The following EEPD1 variants were observed in gnomAD, a reference collection of about 807,000 sequenced individuals.
The protein encoded by EEPD1 is endonuclease/exonuclease/phosphatase family domain-containing protein 1.
A neutral mutation model predicts 46.3 loss-of-function variants in EEPD1; 17 were observed. That is an observed-to-expected ratio of 0.37 (90% CI 0.25 to 0.55). The LOEUF is 0.55. Among genes scored for constraint, EEPD1 ranks in the 20% least tolerant of loss-of-function variants. EEPD1 has a pLI of 0.83. For synonymous variants in EEPD1, 313 were observed against 315.6 expected (o/e 0.99, Z 0.09); for missense variants, 673 against 745.6 (o/e 0.90, Z 1.13).
chr7:36,252,678 A>T (rs1353418100), intron 3 of EEPD1, among the ~76,000 whole-genome samples: 1 of 152,084 alleles, frequency 6.6e-6, no homozygotes, highest in Non-Finnish European at 1.5e-5. Flanking sequence ...GGAGAAATGG[A>T]GGAGCTTCAG....
At chr7:36,178,482 C>G (rs1270065296) in intron 2 of EEPD1, among the ~76,000 whole-genome samples, 2 of 152,258 alleles carry the variant, frequency 1.3e-5, no homozygotes. Flanking sequence ...CTCCAGCTGT[C>G]TCTAAGCCCT....
intron 2 of EEPD1, among the ~76,000 whole-genome samples, chr7:36,160,686 G>GGC (rs978462983): frequency 2.0e-5 from 3 of 149,362 alleles, no homozygotes; most frequent in African/African-American, 4.9e-5. Flanking sequence ...TGGGGGGCGG[G>GGC]GCGTGCATGG....
chr7:36,287,640 T>C lies in EEPD1; in HGVS notation c.1178T>C (p.Val393Ala). 6.2e-7 allele frequency: 1 copy of C among 1,613,480 alleles called. No homozygotes were observed. The highest frequency in any genetic ancestry group is 8.5e-7 in the Non-Finnish European group (1 of 1,179,664). ...GTTGCTTTGTTTCCTGCTGCCTAGG[T>C]GGGAAGTCACGACCTGACCCTTGTT... Reference protein sequence around the residue: ...GPSPYLGRFKVGSHDLTLVNL... With the variant: ...GPSPYLGRFKAGSHDLTLVNL... Residue 393 changes from valine (V) to alanine (A), a missense_variant and splice_region_variant, in exon 6 of 8, where the codon GTG becomes GCG. Transcript: ENST00000242108.
chr7:36,240,391 A>AT (rs1786537196), intron 3 of EEPD1, among the ~76,000 whole-genome samples: 1 of 152,190 alleles, frequency 6.6e-6, no homozygotes, highest in Admixed American at 6.5e-5. Flanking sequence ...ACTGCTTTGG[A>AT]TTTGATGTCC....
chr7:36,248,971 G>A (rs904345107), intron 3 of EEPD1, among the ~76,000 whole-genome samples: 5 of 142,286 alleles, frequency 3.5e-5, no homozygotes, highest in African/African-American at 1.3e-4. Context: ...AGTTAATTAT[G>A]GGCTAGGCTC....
chr7:36,265,115 G>C (rs950066507), intron 3 of EEPD1, among the ~76,000 whole-genome samples: 2 of 152,168 alleles, frequency 1.3e-5, no homozygotes, highest in African/African-American at 4.8e-5. Context: ...ACACCATTTA[G>C]AATAGCTGAA....
chr7:36,296,603 G>A (rs907271264), intron 6 of EEPD1, among the ~76,000 whole-genome samples: 3 of 150,416 alleles, frequency 2.0e-5, no homozygotes, highest in South Asian at 4.3e-4. Flanking sequence ...CAGAGCAGGA[G>A]TTGCATTTTA....
intron 3 of EEPD1, among the ~76,000 whole-genome samples, chr7:36,261,547 C>G (rs1288049140): frequency 6.6e-6 from 1 of 152,202 alleles, no homozygotes; most frequent in Non-Finnish European, 1.5e-5. Context: ...TCAAATACCA[C>G]TTATCAGAAA....
At chr7:36,228,287 G>C (rs1786262152) in intron 2 of EEPD1, among the ~76,000 whole-genome samples, 1 of 152,144 alleles carries the variant, frequency 6.6e-6, no homozygotes, top group South Asian at 2.1e-4. Context: ...CCGCACTTCG[G>C]GAGGTTGAGA....
rs1285570652 is a variant in EEPD1, at chr7:36,225,683, A to C, written c.879-13302A>C. ...ATTAAAACATCTGGGAATTAAAAAAAAATTTGGCTCTATTCCCAGGCCCCA... is the reference window on the plus strand; with the variant it reads ...ATTAAAACATCTGGGAATTAAAAAACAATTTGGCTCTATTCCCAGGCCCCA... On this transcript the variant is annotated intron_variant, in intron 2 of 7. Coordinates refer to ENST00000242108, the MANE Select transcript of EEPD1 (RefSeq NM_030636.3). The surrounding 1 kb of genome is among the most constrained non-coding windows in gnomAD (Gnocchi z 4.2). Among the ~76,000 whole-genome samples, 2 of 152,228 alleles carry C rather than the reference A, an allele frequency of 1.3e-5. No homozygotes were observed. The highest frequency in any genetic ancestry group is 2.9e-5 in the Non-Finnish European group (2 of 68,038).
At chr7:36,159,628 C>T (rs1391465981) in intron 2 of EEPD1, among the ~76,000 whole-genome samples, 2 of 152,346 alleles carry the variant, frequency 1.3e-5, no homozygotes, top group African/African-American at 4.8e-5. Flanking sequence ...CTCTGACTCC[C>T]AGCCCACCCA....
intron 2 of EEPD1, among the ~76,000 whole-genome samples, chr7:36,234,489 T>G (rs1466304773): frequency 1.3e-5 from 2 of 151,940 alleles, no homozygotes; most frequent in Non-Finnish European, 2.9e-5. Context: ...CTGGGCACCA[T>G]GATGAAATCC....
intron 2 of EEPD1, among the ~76,000 whole-genome samples, chr7:36,223,396 T>C (rs188593138): frequency 6.6e-6 from 1 of 151,854 alleles, no homozygotes; most frequent in Admixed American, 6.6e-5. Flanking sequence ...ACCACAGAAA[T>C]TGGCAAATGA....
intron 2 of EEPD1, among the ~76,000 whole-genome samples, chr7:36,161,350 A>G (rs1209746362): frequency 6.6e-6 from 1 of 152,166 alleles, no homozygotes; most frequent in Non-Finnish European, 1.5e-5. Context: ...AAGCTTGCTA[A>G]GAGACCTGAG....
Position 36,202,433 on chromosome 7 carries a change from G to A in EEPD1, c.879-36552G>A, listed in dbSNP as rs577781267. On this transcript the variant is annotated intron_variant, in intron 2 of 7. Coordinates refer to ENST00000242108, the MANE Select transcript of EEPD1 (RefSeq NM_030636.3). ...CTGTTCGCTAGCCGGGGTGAAGCAT[G>A]CCTGGGGCCTCCACACGGTAAACTT... is the stretch of plus-strand genomic sequence containing the variant. Among the ~76,000 whole-genome samples the A allele has an allele frequency of 7.9e-5, 12 of 152,210 alleles. No homozygotes were observed. In the South Asian group the frequency reaches 2.5e-3, roughly 32 times the overall value.
chr7:36,154,600 G>A lies in EEPD1; in HGVS notation c.276G>A (p.Glu92=). The A allele has an allele frequency of 1.2e-6, 2 of 1,614,126 alleles. No individual in the cohort carries two copies. Among genetic ancestry groups the A allele is most frequent in the East Asian group, 2.2e-5 (1 of 44,886 alleles). Residue 92 remains glutamate (E), a synonymous_variant, in exon 2 of 8, where the codon GAG becomes GAA. Coordinates refer to ENST00000242108, the MANE Select transcript of EEPD1 (RefSeq NM_030636.3). The surrounding 1 kb of genome is among the most constrained non-coding windows in gnomAD (Gnocchi z 4.2). ...GTGGTGTAGGCGCCACCAAGCTGGA[G>A]CAGGTCAAGTTTGAGATCTGTGTGA... ...LVSGVGATKL[E]QVKFEICVSS...
In EEPD1 at chr7:36,263,828, A is replaced by G. The variant is rs894543072; in HGVS notation, c.931-17287A>G. ...TCTCTTAGTGGGAGAATAAATTGCT[A>G]TGTATCGATTGTTTTGTTTCTCTTG... On this transcript the variant is annotated intron_variant, in intron 3 of 7. Transcript: ENST00000242108. Among the ~76,000 whole-genome samples the G allele has an allele frequency of 2.0e-5, 3 of 152,158 alleles. No homozygotes were observed. In the East Asian group the frequency reaches 5.8e-4, roughly 29 times the overall value.
intron 2 of EEPD1, among the ~76,000 whole-genome samples, chr7:36,183,560 T>G (rs896676609): frequency 6.6e-6 from 1 of 152,204 alleles, no homozygotes; most frequent in African/African-American, 2.4e-5. Context: ...ATAACTATTA[T>G]GTTTTTGTTT....
intron 2 of EEPD1, among the ~76,000 whole-genome samples, chr7:36,181,564 T>A (rs1270912696): frequency 6.6e-6 from 1 of 152,240 alleles, no homozygotes; most frequent in African/African-American, 2.4e-5. Flanking sequence ...AGTTGGCCTG[T>A]ATTCTGTGGC....
Sources: gnomAD v4.1 joint callset for allele counts (sites outside exome capture counted in the v4.1 genomes callset) on GRCh38, gnomAD v4.1.1 for gene constraint, Gnocchi (gnomAD v3.1) non-coding constraint, MANE v1.5 for transcripts, NCBI Gene and HGNC (gene_info 2026-07-23, HGNC 2026-07-21) for gene names.